TUSC3: variants seen among roughly 807,000 people sequenced by gnomAD.
TUSC3 encodes tumor suppressor candidate 3.
In TUSC3, 45 loss-of-function variants were observed where a neutral mutation model predicts 44.8. The ratio of observed to expected loss-of-function variants is 1.00; its 90% CI spans 0.79 to 1.29. TUSC3 has a LOEUF of 1.29. Among genes scored for constraint, TUSC3 ranks in the 50% most tolerant of loss-of-function variants. The probability of loss-of-function intolerance (pLI) is 0.00; values close to 1 mark genes in which losing one functional copy is unlikely to be tolerated. For synonymous variants in TUSC3, 212 were observed against 152.9 expected (o/e 1.39, Z -2.85); for missense variants, 519 against 437.9 (o/e 1.19, Z -1.65).
chr8:15,637,994 C>A (rs781071950), intron 2 of TUSC3, among the ~76,000 whole-genome samples: 35 of 152,138 alleles, frequency 2.3e-4, no homozygotes, highest in Admixed American at 2.0e-3. Context: ...TTTCCCACTC[C>A]CCACAAAGTG....
chr8:15,613,515 G>C (rs1433086174), intron 1 of TUSC3, among the ~76,000 whole-genome samples: 2 of 152,058 alleles, frequency 1.3e-5, no homozygotes, highest in Non-Finnish European at 2.9e-5. Flanking sequence ...TTTTATGAAG[G>C]GGAAGTTCCC....
chr8:15,615,535 G>T (rs1240369595), intron 1 of TUSC3, among the ~76,000 whole-genome samples: 1 of 152,102 alleles, frequency 6.6e-6, no homozygotes, highest in East Asian at 1.9e-4. Flanking sequence ...AGAGTAATAA[G>T]TTCTAATGTT....
At chr8:15,522,491 C>T (rs1426275685) in intron 2 of TUSC3, among the ~76,000 whole-genome samples, 1 of 151,884 alleles carries the variant, frequency 6.6e-6, no homozygotes, top group Non-Finnish European at 1.5e-5. Context: ...CCTTGGCCTC[C>T]CAAAGTGCTG....
At chr8:15,454,222 T>C (rs556644714) in intron 1 of TUSC3, among the ~76,000 whole-genome samples, 2 of 152,290 alleles carry the variant, frequency 1.3e-5, no homozygotes, top group South Asian at 4.1e-4. Flanking sequence ...ACTTGATCTC[T>C]CAAGTCACCC....
chr8:15,763,285 G>A (rs1006628876), intron 10 of TUSC3, among the ~76,000 whole-genome samples: 3 of 151,898 alleles, frequency 2.0e-5, no homozygotes, highest in Admixed American at 6.6e-5. Flanking sequence ...TGAGGAAACC[G>A]AGGTTCAGAA....
At chr8:15,504,217 A>G (rs1386625056) in intron 2 of TUSC3, among the ~76,000 whole-genome samples, 1 of 152,020 alleles carries the variant, frequency 6.6e-6, no homozygotes, top group Admixed American at 6.6e-5. Context: ...TTGCCAGCTG[A>G]GTAATTTTGA....
At chr8:15,648,625 C>CTGAG (rs1455477281) in intron 2 of TUSC3, among the ~76,000 whole-genome samples, 2 of 144,412 alleles carry the variant, frequency 1.4e-5, no homozygotes, top group Non-Finnish European at 3.0e-5. Context: ...ACTCGGGAGG[C>CTGAG]TGAGGCAGGA....
chr8:15,726,764 CCA>C (rs1390819549), intron 6 of TUSC3, among the ~76,000 whole-genome samples: 2 of 152,152 alleles, frequency 1.3e-5, no homozygotes, highest in Admixed American at 6.6e-5. Context: ...CGAGATCATG[CCA>C]CTGCAGTCCA....
At chr8:15,809,248 T>G in the TUSC3 span, among the ~76,000 whole-genome samples, 1 of 152,182 alleles carries the variant, frequency 6.6e-6, no homozygotes, top group South Asian at 2.1e-4. Flanking sequence ...GAACTTCTTT[T>G]CCCTGGTCAG....
At chr8:15,567,796 A>T (rs1057416597) in intron 1 of TUSC3, among the ~76,000 whole-genome samples, 7 of 152,162 alleles carry the variant, frequency 4.6e-5, no homozygotes, top group African/African-American at 1.4e-4. Context: ...TTGTGTGCAC[A>T]TTTTGAATAC....
At chr8:15,608,462 C>T (rs1041517829) in intron 1 of TUSC3, among the ~76,000 whole-genome samples, 4 of 152,122 alleles carry the variant, frequency 2.6e-5, no homozygotes, top group Admixed American at 2.6e-4. Context: ...ACTCAGTCTT[C>T]CACATGAAGT....
intron 6 of TUSC3, among the ~76,000 whole-genome samples, chr8:15,709,624 G>GGAT (rs763021046): frequency 8.0e-4 from 122 of 151,794 alleles, no homozygotes; most frequent in East Asian, 3.7e-3. Context: ...ATGAGGAGGA[G>GGAT]GATGATGATG....
chr8:15,697,159 ATT>A (rs1224149178), intron 6 of TUSC3, among the ~76,000 whole-genome samples: 3 of 151,266 alleles, frequency 2.0e-5, no homozygotes, highest in Non-Finnish European at 4.4e-5. Flanking sequence ...GCTTGTTTGG[ATT>A]TTGTCTCTAT....
intron 6 of TUSC3, among the ~76,000 whole-genome samples, chr8:15,712,520 T>A (rs1029801068): frequency 6.6e-6 from 1 of 152,052 alleles, no homozygotes; most frequent in Non-Finnish European, 1.5e-5. Context: ...TTTTATTAGA[T>A]CTCTTTTATG....
At chr8:15,509,754 A>G (rs530494190) in intron 2 of TUSC3, among the ~76,000 whole-genome samples, 25 of 152,350 alleles carry the variant, frequency 1.6e-4, no homozygotes, top group Non-Finnish European at 3.7e-4. Flanking sequence ...TGAAGCTCAT[A>G]TTACATCCCT....
chr8:15,721,752 A>C (rs146798843), intron 6 of TUSC3, among the ~76,000 whole-genome samples: 16 of 152,202 alleles, frequency 1.1e-4, no homozygotes, highest in African/African-American at 3.8e-4. Flanking sequence ...ACAAATTACT[A>C]AAATTACTTA....
chr8:15,673,835 T>G lies in TUSC3; in HGVS notation c.797T>G (p.Val266Gly), dbSNP rs1345389131. Residue 266 changes from valine (V) to glycine (G), a missense_variant and splice_region_variant, in exon 6 of 11, where the codon GTG (valine) becomes GGG (glycine). By Grantham distance (109) the Val-to-Gly change is moderately radical. Coordinates refer to ENST00000503731, the MANE Select transcript of TUSC3 (RefSeq NM_006765.4). ...CATAAGAACCCACACAATGGACAAGTGGTAAGTGTAATTTATAAGCATGAA... is the reference window on the plus strand; with the variant it reads ...CATAAGAACCCACACAATGGACAAGGGGTAAGTGTAATTTATAAGCATGAA... ...YAHKNPHNGQVSYIHGSSQAQ... is the reference protein window; with the variant it reads ...YAHKNPHNGQGSYIHGSSQAQ... The G allele has an allele frequency of 6.2e-7, 1 of 1,610,500 alleles. No individual in the cohort carries two copies. The highest frequency in any genetic ancestry group is 8.5e-7 in the Non-Finnish European group (1 of 1,177,300).
intron 6 of TUSC3, among the ~76,000 whole-genome samples, chr8:15,683,128 G>A (rs188720522): frequency 7.2e-5 from 11 of 152,206 alleles, no homozygotes; most frequent in Admixed American, 5.9e-4. Context: ...TATTTGCCTT[G>A]GGGATGGTCA....
intron 6 of TUSC3, among the ~76,000 whole-genome samples, chr8:15,720,422 C>G (rs959893656): frequency 6.6e-6 from 1 of 152,068 alleles, no homozygotes; most frequent in Non-Finnish European, 1.5e-5. Context: ...GTCTGAAGGC[C>G]TGCAAAGCAA....
Sources: gnomAD v4.1 joint callset for allele counts (sites outside exome capture counted in the v4.1 genomes callset) on GRCh38, gnomAD v4.1.1 for gene constraint, MANE v1.5 for transcripts, NCBI Gene and HGNC (gene_info 2026-07-23, HGNC 2026-07-21) for gene names.